The following TEX14 variants were observed in gnomAD, a reference collection of about 807,000 sequenced individuals.
TEX14 encodes testis expressed 14, intercellular bridge forming factor, also known as inactive serine/threonine-protein kinase TEX14.
TEX14 carries 168 observed loss-of-function variants against 178.6 expected under a neutral mutation model. The ratio of observed to expected loss-of-function variants is 0.94; its 90% CI spans 0.83 to 1.07. The LOEUF (loss-of-function observed/expected upper bound fraction) is 1.07. Ranked by LOEUF, TEX14 falls within the 50% of genes least tolerant of loss-of-function variation. The probability of loss-of-function intolerance (pLI) is 0.00; values close to 1 mark genes in which losing one functional copy is unlikely to be tolerated. For missense variants in TEX14, 1,730 were observed against 1,753.6 expected (o/e 0.99, Z 0.24); for synonymous variants, 626 against 634.1 (o/e 0.99, Z 0.19).
At chr17:58,592,501 AT>A (rs879663287) in intron 15 of TEX14, among the ~76,000 whole-genome samples, 20 of 147,550 alleles carry the variant, frequency 1.4e-4, no homozygotes, top group Middle Eastern at 3.6e-3. Flanking sequence ...CGCCCGGCTA[AT>A]TTTTTGTATT....
At chr17:58,659,007 A>G (rs1425911784) in intron 1 of TEX14, among the ~76,000 whole-genome samples, 1 of 150,810 alleles carries the variant, frequency 6.6e-6, no homozygotes, top group East Asian at 2.0e-4. Context: ...CTTAGCGAGC[A>G]TCTAATTAAA....
chr17:58,563,656 TATAGAGAGAGAGAG>T (rs1229328207), intron 28 of TEX14, among the ~76,000 whole-genome samples: 1 of 18,752 alleles, frequency 5.3e-5, no homozygotes. Context: ...TATATATATA[TATAGAGAGAGAGAG>T]AGAGAGAGAG....
chr17:58,628,809 C>T (rs2046211492), intron 3 of TEX14, among the ~76,000 whole-genome samples: 1 of 150,692 alleles, frequency 6.6e-6, no homozygotes, highest in Non-Finnish European at 1.5e-5. Context: ...CACTTGAACA[C>T]GGGAGGCGGA....
At chr17:58,679,513 AAAC>A (rs1483604480) in intron 1 of TEX14, 2 of 152,354 alleles carry the variant, frequency 1.3e-5, no homozygotes, top group East Asian at 3.9e-4. Flanking sequence ...CGCCTTTTAT[AAAC>A]AAGCCAGATC....
intron 28 of TEX14, among the ~76,000 whole-genome samples, chr17:58,562,017 G>A (rs1831731175): frequency 6.6e-6 from 1 of 152,164 alleles, no homozygotes; most frequent in East Asian, 1.9e-4. Flanking sequence ...CCTAGGAGGC[G>A]GCAGCTGCAG....
rs1421558724 is a variant in TEX14 at position 58,573,208 on chromosome 17, T to C, written c.3484A>G (p.Thr1162Ala). The change falls in exon 23 of 32, where the codon ACC becomes GCC. Residue 1162 changes from threonine (T) to alanine (A), a missense_variant. Thr to Ala is a moderately conservative substitution (Grantham distance 58). Transcript: ENST00000349033. ...GGGCTGAGTGGAGTGCTGACACTGG[T>C]AGGTGCATGGTTTATTTTGGGTGTT... Reference protein sequence around the residue: ...CKTPKINHAPTSVSTPLSPGS... With the variant: ...CKTPKINHAPASVSTPLSPGS... 1 of 1,614,148 alleles carries C rather than the reference T, an allele frequency of 6.2e-7. No homozygotes were observed. The highest frequency in any genetic ancestry group is 1.7e-5 in the Admixed American group (1 of 60,024).
At position 58,572,103 on chromosome 17, in the gene TEX14, G is replaced by T; in HGVS notation, c.3535C>A (p.Gln1179Lys). The T allele has an allele frequency of 6.2e-7, 1 of 1,607,416 alleles. No homozygotes were observed. The highest frequency in any genetic ancestry group is 1.1e-5 in the South Asian group (1 of 90,730). ...SPGSVSSAAS[Q>K]YKDCLESITF... ...ATACTTTCAAGGCAGTCTTTATACT[G>T]ACTGGCAGCTGAAGAAACGGACCCT... The change falls in exon 24 of 32, where the codon CAG becomes AAG. Residue 1179 changes from glutamine to lysine, a missense_variant. By Grantham distance (53) the Gln-to-Lys change is moderately conservative. Coordinates refer to ENST00000349033, the MANE Select transcript of TEX14 (RefSeq NM_031272.5).
chr17:58,574,793 C>T (rs2044637520), intron 21 of TEX14, among the ~76,000 whole-genome samples: 1 of 151,204 alleles, frequency 6.6e-6, no homozygotes, highest in South Asian at 2.1e-4. Context: ...TAAATACTCT[C>T]TAAGGGTCAG....
In TEX14 at chr17:58,616,162, A is replaced by G; in HGVS notation, c.767+13T>C. Reference sequence around the variant, plus strand: ...AACTGAATCAGACCTCAAACTGGCCAGCCCCCACTTACTTGGTCATGACCA... The same window carrying G: ...AACTGAATCAGACCTCAAACTGGCCGGCCCCCACTTACTTGGTCATGACCA... On this transcript the variant is annotated intron_variant, in intron 7 of 31. Coordinates refer to ENST00000349033, the MANE Select transcript of TEX14 (RefSeq NM_031272.5). 6.2e-7 allele frequency: 1 copy of G among 1,608,060 alleles called. No homozygotes were observed. Among genetic ancestry groups the G allele is most frequent in the Non-Finnish European group, 8.5e-7 (1 of 1,177,932 alleles).
intron 15 of TEX14, among the ~76,000 whole-genome samples, chr17:58,589,004 T>C (rs1474168328): frequency 6.6e-6 from 1 of 152,196 alleles, no homozygotes; most frequent in Non-Finnish European, 1.5e-5. Flanking sequence ...CTGGGCACGG[T>C]AGCTCACACC....
intron 15 of TEX14, among the ~76,000 whole-genome samples, chr17:58,592,564 G>C (rs948401889): frequency 2.0e-5 from 3 of 151,704 alleles, no homozygotes; most frequent in Non-Finnish European, 4.4e-5. Context: ...TCGATCTCCT[G>C]ACCTCGTGAT....
chr17:58,671,191 C>T (rs2047298943), intron 1 of TEX14, among the ~76,000 whole-genome samples: 1 of 152,160 alleles, frequency 6.6e-6, no homozygotes, highest in African/African-American at 2.4e-5. Context: ...AACCCATTCA[C>T]TAAGATTATT....
chr17:58,584,415 T>G, intron 19 of TEX14, 85 bp downstream of exon 19: 1 of 930,726 alleles, frequency 1.1e-6, no homozygotes, highest in Admixed American at 1.8e-5. Context: ...AGCTATTATT[T>G]TGGTGTCATA....
At chr17:58,567,143 G>C (rs2044418958) in intron 26 of TEX14, among the ~76,000 whole-genome samples, 1 of 152,152 alleles carries the variant, frequency 6.6e-6, no homozygotes, top group South Asian at 2.1e-4. Context: ...CTCTAGCCTG[G>C]GCAACAAGAG....
chr17:58,631,190 A>AG (rs2046277861), intron 2 of TEX14: 2 of 978,690 alleles, frequency 2.0e-6, no homozygotes, highest in East Asian at 2.3e-4. Flanking sequence ...CTGGAGGCGC[A>AG]GTGGCTCACG....
rs760014137 is a variant in TEX14, at chr17:58,615,244, T to G, written c.869A>C (p.Gln290Pro). 2.5e-6 allele frequency: 4 copies of G among 1,611,642 alleles called. No individual in the cohort carries two copies. The highest frequency in any genetic ancestry group is 1.7e-5 in the Admixed American group (1 of 59,960). ...GCTTCCTTCTCACCTGCTGTGTTCC[T>G]GCTCGGCAATTAACAAGTCGGCCAG... is the stretch of plus-strand genomic sequence containing the variant. ...LRLADLLIAE[Q>P]EHSSKLRHPY... The change falls in exon 8 of 32, where the codon CAG (glutamine) becomes CCG (proline). Residue 290 changes from glutamine to proline, a missense_variant. Around this residue, in one of 2 missense-constraint regions of TEX14, gnomAD observed 789 missense variants for 681.2 expected, o/e 1.16. Coordinates refer to ENST00000349033, the MANE Select transcript of TEX14 (RefSeq NM_031272.5).
chr17:58,602,149 T>C (rs144821560), intron 12 of TEX14, among the ~76,000 whole-genome samples, 193 bp from the exon 13 acceptor site: 1,710 of 152,306 alleles, frequency 0.011, 25 homozygotes, highest in Non-Finnish European at 0.014. Context: ...ATTCACTGAA[T>C]CTCCACTAAG....
At chr17:58,593,203 C>T (rs530977439) in intron 15 of TEX14, among the ~76,000 whole-genome samples, 7 of 152,034 alleles carry the variant, frequency 4.6e-5, no homozygotes, top group African/African-American at 1.7e-4. Context: ...TTTAAACAAC[C>T]CTGGTTTCCA....
chr17:58,656,956 G>T (rs990470252), intron 1 of TEX14, among the ~76,000 whole-genome samples: 286 of 130,286 alleles, frequency 2.2e-3, no homozygotes, highest in African/African-American at 7.7e-3. Flanking sequence ...AAAAGAAAAA[G>T]AAAATTGGGT....
Sources: allele counts gnomAD v4.1 joint callset (sites outside exome capture counted in the v4.1 genomes callset), GRCh38; gene constraint gnomAD v4.1.1; regional missense constraint gnomAD v4.1.1; transcripts MANE v1.5; gene names NCBI Gene and HGNC (gene_info 2026-07-23, HGNC 2026-07-21).